The following PFKP variants were observed in gnomAD, a reference collection of about 807,000 sequenced individuals.
PFKP encodes the protein ATP-dependent 6-phosphofructokinase, platelet type.
A neutral mutation model predicts 94.3 loss-of-function variants in PFKP; 101 were observed. That is an observed-to-expected ratio of 1.07 (90% CI 0.91 to 1.26). The LOEUF (loss-of-function observed/expected upper bound fraction) is 1.26. Ranked by LOEUF, PFKP falls within the 50% of genes most tolerant of loss-of-function variation. PFKP has a pLI of 0.00. For synonymous variants in PFKP, 573 were observed against 432.6 expected, an observed-to-expected ratio of 1.32 and a Z score of -4.03; for missense variants, 1,145 against 1,103.3, an observed-to-expected ratio of 1.04 and a Z score of -0.53.
chr10:3,103,746 G>A (rs774350750), intron 4 of PFKP, 33 bp from the exon 5 acceptor site: 39 of 1,611,118 alleles, frequency 2.4e-5, no homozygotes, highest in Non-Finnish European at 3.1e-5. Flanking sequence ...CCATGGTTAC[G>A]GCGATGAGAC....
intron 16 of PFKP, among the ~76,000 whole-genome samples, chr10:3,122,379 G>A (rs543734695): frequency 1.3e-5 from 2 of 151,592 alleles, no homozygotes; most frequent in South Asian, 2.1e-4. Context: ...AGAGAAAGCC[G>A]CTGAGGGTCC....
chr10:3,093,032 G>A (rs536254102), intron 2 of PFKP, among the ~76,000 whole-genome samples: 6 of 150,960 alleles, frequency 4.0e-5, no homozygotes, highest in African/African-American at 1.5e-4. Context: ...GGAAGGGGGT[G>A]GCCACAGAAG....
chr10:3,100,114 G>A (rs1231723763), intron 3 of PFKP, among the ~76,000 whole-genome samples: 3 of 150,696 alleles, frequency 2.0e-5, no homozygotes, highest in African/African-American at 7.3e-5. Flanking sequence ...AATGGGAATG[G>A]CACCCACTCC....
intron 16 of PFKP, chr10:3,129,547 G>A: frequency 2.2e-6 from 1 of 464,558 alleles, no homozygotes; most frequent in Non-Finnish European, 3.9e-6. Flanking sequence ...TATGGGGCCT[G>A]GGAGAAGGGA....
intron 17 of PFKP, among the ~76,000 whole-genome samples, chr10:3,130,318 G>A (rs763520872): frequency 5.9e-5 from 9 of 152,228 alleles, no homozygotes; most frequent in Admixed American, 2.6e-4. Context: ...TCTGCGACAG[G>A]CTCTGAAGGT....
At chr10:3,135,957 A>T (rs1839238448) in intron 21 of PFKP, 119 bp downstream of exon 21, 3 of 666,714 alleles carry the variant, frequency 4.5e-6, no homozygotes, top group Non-Finnish European at 8.0e-6. Context: ...GCTTTTCTGA[A>T]GCTCAGTTAA....
At chr10:3,127,464 G>A (rs545811093) in intron 16 of PFKP, among the ~76,000 whole-genome samples, 6 of 152,058 alleles carry the variant, frequency 3.9e-5, no homozygotes, top group African/African-American at 7.2e-5. Flanking sequence ...GGTGGGCTGC[G>A]GGGGAGATTC....
intron 1 of PFKP, among the ~76,000 whole-genome samples, chr10:3,078,517 A>T (rs907993032): frequency 4.1e-4 from 63 of 152,202 alleles, no homozygotes; most frequent in African/African-American, 1.5e-3. Flanking sequence ...AGGCAATTAA[A>T]TGAGCATCTG....
intron 16 of PFKP, among the ~76,000 whole-genome samples, chr10:3,125,928 G>A (rs1408009288): frequency 1.3e-5 from 2 of 152,224 alleles, no homozygotes; most frequent in African/African-American, 2.4e-5. Flanking sequence ...GGTGGCCACC[G>A]TGACATGTGG....
intron 19 of PFKP, among the ~76,000 whole-genome samples, chr10:3,133,677 C>A (rs1195038489): frequency 6.6e-6 from 1 of 152,196 alleles, no homozygotes; most frequent in African/African-American, 2.4e-5. Context: ...ATGATTCACC[C>A]ACCTCAGCCT....
intron 16 of PFKP, among the ~76,000 whole-genome samples, chr10:3,120,372 TGTG>T (rs1564336713): frequency 4.3e-4 from 54 of 125,900 alleles, no homozygotes; most frequent in African/African-American, 1.1e-3. Context: ...AAAATCGCTG[TGTG>T]TGTGTGTGTG....
At chr10:3,088,491 G>A (rs963709199) in intron 2 of PFKP, among the ~76,000 whole-genome samples, 7 of 152,080 alleles carry the variant, frequency 4.6e-5, no homozygotes, top group East Asian at 1.9e-4. Flanking sequence ...GCAAAGCCCC[G>A]GCTGACCTGG....
At chr10:3,088,539 G>A (rs1381715110) in intron 2 of PFKP, among the ~76,000 whole-genome samples, 1 of 152,160 alleles carries the variant, frequency 6.6e-6, no homozygotes, top group Non-Finnish European at 1.5e-5. Flanking sequence ...ACCCAGCCGA[G>A]GTGACGGCTC....
intron 1 of PFKP, among the ~76,000 whole-genome samples, chr10:3,075,576 TGCC>T: frequency 7.1e-6 from 1 of 141,228 alleles, no homozygotes; most frequent in South Asian, 2.5e-4. Context: ...ATGATCTAGT[TGCC>T]GCATTAAAGA....
chr10:3,129,528 G>A (rs557901981), intron 16 of PFKP: 29 of 405,038 alleles, frequency 7.2e-5, no homozygotes, highest in Admixed American at 1.7e-4. Context: ...CGTCTTTTCC[G>A]TCCCCTTCTA....
rs75635753 is a variant in PFKP, at chr10:3,121,267, C to T, written c.1683+1223C>T. Among the ~76,000 whole-genome samples the T allele has an allele frequency of 2.6e-3, 403 of 152,290 alleles. 3 individuals are homozygous for T. Among genetic ancestry groups the T allele is most frequent in the African/African-American group, 9.5e-3 (395 of 41,560 alleles). On this transcript the variant is annotated intron_variant, in intron 16 of 21. Transcript: ENST00000381125. The stretch of plus-strand genomic sequence containing the variant: ...TGACCTAGACGTTGCTTCTGTTCTC[C>T]TGGTGGTGGGTGTCACGGCTTTGCT...
intron 21 of PFKP, 146 bp from the exon 22 acceptor site, chr10:3,136,304 T>C (rs1839328057): frequency 2.8e-6 from 2 of 704,624 alleles, no homozygotes; most frequent in Non-Finnish European, 4.8e-6. Flanking sequence ...TTTCATTTGA[T>C]CCTGAAATTG....
chr10:3,098,418 G>C (rs1254917814), intron 2 of PFKP, among the ~76,000 whole-genome samples: 1 of 152,052 alleles, frequency 6.6e-6, no homozygotes, highest in African/African-American at 2.4e-5. Context: ...GCTCACGCCT[G>C]TAATTCCAGC....
At chr10:3,130,125 TC>T in intron 17 of PFKP, 142 bp downstream of exon 17, 1 of 732,182 alleles carries the variant, frequency 1.4e-6, no homozygotes. Flanking sequence ...TTGATACACT[TC>T]GCATCGCCCA....
Sources: gnomAD v4.1 joint callset for allele counts (sites outside exome capture counted in the v4.1 genomes callset) on GRCh38, gnomAD v4.1.1 for gene constraint, MANE v1.5 for transcripts, NCBI Gene and HGNC (gene_info 2026-07-23, HGNC 2026-07-21) for gene names.